The following KCTD3 variants were observed in gnomAD, a reference collection of about 807,000 sequenced individuals.
The protein encoded by KCTD3 is BTB/POZ domain-containing protein KCTD3.
In KCTD3, 41 loss-of-function variants were observed where a neutral mutation model predicts 85.8. The ratio of observed to expected loss-of-function variants is 0.48; its 90% CI spans 0.37 to 0.62. The LOEUF (loss-of-function observed/expected upper bound fraction) is 0.62, where lower values mean the gene tolerates loss of function less well. KCTD3 is among the 20% of genes least tolerant of loss of function. The pLI, the probability that KCTD3 is intolerant of heterozygous loss-of-function variation, is 0.00. For synonymous variants in KCTD3, 338 were observed against 345.4 expected (o/e 0.98, Z 0.24); for missense variants, 724 against 989.9 (o/e 0.73, Z 3.60).
intron 1 of KCTD3, among the ~76,000 whole-genome samples, chr1:215,570,105 T>G (rs2102549642): frequency 6.6e-6 from 1 of 152,116 alleles, no homozygotes; most frequent in Non-Finnish European, 1.5e-5. Flanking sequence ...AAGAGAAAAA[T>G]CCTGATATGA....
At chr1:215,588,932 G>A (rs957315192) in intron 9 of KCTD3, among the ~76,000 whole-genome samples, 1 of 152,120 alleles carries the variant, frequency 6.6e-6, no homozygotes, top group African/African-American at 2.4e-5. Flanking sequence ...CATCTAGCAG[G>A]CATTCAGCAT....
intron 12 of KCTD3, among the ~76,000 whole-genome samples, chr1:215,603,790 T>C (rs1380751656): frequency 6.6e-6 from 1 of 152,160 alleles, no homozygotes; most frequent in Non-Finnish European, 1.5e-5. Context: ...GATAAAAAGA[T>C]GATTATGATT....
rs541615814 is a variant in KCTD3, at chr1:215,570,769, A to G, written c.83+3001A>G. Among the ~76,000 whole-genome samples, 245 of 152,336 alleles carry G rather than the reference A, an allele frequency of 1.6e-3. 1 individual carries two copies. The highest frequency in any genetic ancestry group is 6.0e-3 in the South Asian group (29 of 4,826). On this transcript the variant is annotated intron_variant, in intron 1 of 17. Coordinates refer to ENST00000259154, the MANE Select transcript of KCTD3 (RefSeq NM_016121.5). ...TAGTAGGAGGCAAGTTGCATGAAGT[A>G]TAACTGTGGGTATGCAAATTTCTTT... is the stretch of plus-strand genomic sequence containing the variant.
In KCTD3 at chr1:215,586,666, G is replaced by A. The variant is rs372159813; in HGVS notation, c.798G>A (p.Gly266=). The change falls in exon 9 of 18, where the codon GGG becomes GGA. Residue 266 remains glycine (G), a synonymous_variant. Coordinates refer to ENST00000259154, the MANE Select transcript of KCTD3 (RefSeq NM_016121.5). ...TCATCTTGTGGAGTGTTCAGGATGG[G>A]GGAAGTGGAAGTGAAATTGGTAGGA... ...SSIILWSVQD[G]GSGSEIGVFS... 43 of 1,609,388 alleles carry A rather than the reference G, an allele frequency of 2.7e-5. No homozygotes were observed. The highest frequency in any genetic ancestry group is 3.4e-5 in the Non-Finnish European group (40 of 1,177,678).
At chr1:215,618,598 T>G (rs1386447087) in intron 15 of KCTD3, 1 of 256,388 alleles carries the variant, frequency 3.9e-6, no homozygotes, top group Non-Finnish European at 7.3e-6. Flanking sequence ...AATTGTTCTC[T>G]CTCAGGTTCT....
chr1:215,578,105 T>C, intron 6 of KCTD3, 24 bp downstream of exon 6: 1 of 1,595,490 alleles, frequency 6.3e-7, no homozygotes, highest in East Asian at 2.2e-5. Context: ...ATTAAATCTT[T>C]TAAAAAATTC....
At chr1:215,618,161 T>G (rs767309598) in intron 15 of KCTD3, 1 of 465,618 alleles carries the variant, frequency 2.1e-6, no homozygotes, top group South Asian at 1.6e-5. Context: ...GGAGGTAAAC[T>G]TTCACTTTCC....
At chr1:215,601,553 G>A (rs997953182) in intron 10 of KCTD3, among the ~76,000 whole-genome samples, 4 of 152,106 alleles carry the variant, frequency 2.6e-5, no homozygotes, top group African/African-American at 9.7e-5. Flanking sequence ...TCCAGTTCTA[G>A]TGGGCTGCAA....
intron 13 of KCTD3, among the ~76,000 whole-genome samples, chr1:215,606,521 T>A (rs1171541862): frequency 6.6e-6 from 1 of 151,986 alleles, no homozygotes; most frequent in African/African-American, 2.4e-5. Flanking sequence ...TCTGAGAAAA[T>A]GGGCCGTTTT....
chr1:215,605,664 A>C (rs1215046802), intron 13 of KCTD3, among the ~76,000 whole-genome samples: 1 of 152,126 alleles, frequency 6.6e-6, no homozygotes, highest in Non-Finnish European at 1.5e-5. Context: ...AATAAAACTT[A>C]ATGATTTCTC....
intron 10 of KCTD3, among the ~76,000 whole-genome samples, chr1:215,600,708 A>G (rs1654797352): frequency 6.6e-6 from 1 of 152,220 alleles, no homozygotes; most frequent in Non-Finnish European, 1.5e-5. Context: ...TTTTCAAATG[A>G]AAGCCAGGTA....
At position 215,586,579 on chromosome 1, in the gene KCTD3, G is replaced by A. The variant is rs1246225561; in HGVS notation, c.711G>A (p.Lys237=). Reference sequence around the variant, plus strand: ...TCGAACGAGTAGCTTTAAATGCAAAGGTGGTTGGAGGGCCACATGGAGACA... The same window carrying A: ...TCGAACGAGTAGCTTTAAATGCAAAAGTGGTTGGAGGGCCACATGGAGACA... ...WTIERVALNA[K]VVGGPHGDKD... Residue 237 remains lysine, a synonymous_variant, in exon 9 of 18, where the codon AAG becomes AAA. Transcript: ENST00000259154. 6.2e-7 allele frequency: 1 copy of A among 1,614,078 alleles called. No individual in the cohort carries two copies. The highest frequency in any genetic ancestry group is 1.7e-5 in the Admixed American group (1 of 60,014).
intron 13 of KCTD3, among the ~76,000 whole-genome samples, chr1:215,606,630 A>G (rs985945812): frequency 5.3e-5 from 8 of 152,080 alleles, no homozygotes; most frequent in African/African-American, 1.7e-4. Flanking sequence ...ATGTGATACC[A>G]AGGAACTACT....
intron 8 of KCTD3, chr1:215,581,053 C>T (rs980692943): frequency 2.2e-5 from 9 of 415,704 alleles, no homozygotes; most frequent in East Asian, 8.0e-5. Flanking sequence ...CAAGATCAGC[C>T]CGACCAACAT....
chr1:215,606,840 A>G (rs1655042111), intron 13 of KCTD3, among the ~76,000 whole-genome samples: 1 of 152,016 alleles, frequency 6.6e-6, no homozygotes, highest in Admixed American at 6.6e-5. Context: ...CCTTAAAGAA[A>G]AACTTTGGAT....
Position 215,604,206 on chromosome 1 carries a change from G to T in KCTD3, c.1213G>T (p.Glu405Ter). 1 of 1,613,568 alleles carries T rather than the reference G, an allele frequency of 6.2e-7. No individual in the cohort carries two copies. The highest frequency in any genetic ancestry group is 8.5e-7 in the Non-Finnish European group (1 of 1,179,516). The change falls in exon 13 of 18, where the codon GAG (glutamate) becomes TAG (stop). Residue 405 changes from glutamate to a stop codon, truncating the protein, a stop_gained. Transcript: ENST00000259154. LOFTEE classifies it high-confidence loss of function. Reference sequence around the variant, plus strand: ...AGTACGAGTGATTGTACAACACCCAGAGACAGTTGGGTCAGGTCCTCAGCT... The same window carrying T: ...AGTACGAGTGATTGTACAACACCCATAGACAGTTGGGTCAGGTCCTCAGCT... ...GAVRVIVQHP[E>*]TVGSGPQLFQ...
chr1:215,613,246 C>T (rs546698260), intron 15 of KCTD3, among the ~76,000 whole-genome samples: 32 of 152,250 alleles, frequency 2.1e-4, no homozygotes, highest in African/African-American at 6.5e-4. Flanking sequence ...ATGAATGAGA[C>T]GGAGTCTTGC....
chr1:215,603,218 T>TAC (rs1654898956), intron 12 of KCTD3, among the ~76,000 whole-genome samples: 1 of 152,094 alleles, frequency 6.6e-6, no homozygotes, highest in East Asian at 1.9e-4. Flanking sequence ...AAGCACTTCT[T>TAC]TTGTAGTGGC....
chr1:215,574,214 T>A, intron 3 of KCTD3, 96 bp downstream of exon 3: 1 of 686,018 alleles, frequency 1.5e-6, no homozygotes, highest in African/African-American at 1.8e-5. Context: ...AGAACTGATA[T>A]TTTAATAATC....
Sources: gnomAD v4.1 joint callset for allele counts (sites outside exome capture counted in the v4.1 genomes callset) on GRCh38, gnomAD v4.1.1 for gene constraint, MANE v1.5 for transcripts, NCBI Gene and HGNC (gene_info 2026-07-23, HGNC 2026-07-21) for gene names.